RAB10: variants seen among roughly 807,000 people sequenced by gnomAD.
RAB10 encodes the protein ras-related protein Rab-10.
In RAB10, 5 loss-of-function variants were observed where a neutral mutation model predicts 25.7. The observed-to-expected ratio is 0.19, with a 90% CI of 0.10 to 0.41. The LOEUF (loss-of-function observed/expected upper bound fraction) is 0.41, where lower values mean the gene tolerates loss of function less well. Among genes scored for constraint, RAB10 ranks in the 10% least tolerant of loss-of-function variants. The pLI, the probability that RAB10 is intolerant of heterozygous loss-of-function variation, is 1.00. For synonymous variants in RAB10, 89 were observed against 86.4 expected, an observed-to-expected ratio of 1.03 and a Z score of -0.16; for missense variants, 103 against 245.8, an observed-to-expected ratio of 0.42 and a Z score of 3.89.
intron 2 of RAB10, among the ~76,000 whole-genome samples, chr2:26,107,821 A>G (rs568552371): frequency 6.6e-6 from 1 of 152,082 alleles, no homozygotes; most frequent in South Asian, 2.1e-4. Flanking sequence ...AAAAACAAAA[A>G]ACTAACAATC....
At position 26,063,430 on chromosome 2, in the gene RAB10, A is replaced by ATT. The variant is rs5829995; in HGVS notation, c.127+28704_127+28705dup. Among the ~76,000 whole-genome samples, 198 of 150,614 alleles carry ATT rather than the reference A, an allele frequency of 1.3e-3. 2 individuals carry two copies. In the South Asian group the frequency reaches 0.013, roughly 10 times the overall value. On this transcript the variant is annotated intron_variant, in intron 1 of 5. Transcript: ENST00000264710. ...TTTGCTCACTCACATTCTTTATGTG[A>ATT]TTTTTTTTTTGCTAGACCATTTGAA...
In RAB10 at chr2:26,127,242, C is replaced by G; in HGVS notation, c.417+9C>G. ...AAGGAAAAGGAGAACAGGTAAAAAT[C>G]TGAATTAAACTGATACTCTGCTCTG... On this transcript the variant is annotated intron_variant, in intron 4 of 5. Transcript: ENST00000264710. The G allele has an allele frequency of 1.3e-6, 2 of 1,530,308 alleles. No individual in the cohort carries two copies. The highest frequency in any genetic ancestry group is 8.9e-7 in the Non-Finnish European group (1 of 1,118,706). The allele number at this position is 1,530,308 out of a possible 1,614,324, so 94.8% of individuals were successfully genotyped here.
At chr2:26,105,706 T>C (rs1667452924) in intron 2 of RAB10, among the ~76,000 whole-genome samples, 1 of 152,190 alleles carries the variant, frequency 6.6e-6, no homozygotes, top group South Asian at 2.1e-4. Context: ...GTGATTAAGA[T>C]GCAGTCATAC....
At chr2:26,067,351 G>GA (rs759901158) in intron 1 of RAB10, among the ~76,000 whole-genome samples, 4 of 152,198 alleles carry the variant, frequency 2.6e-5, no homozygotes, top group Non-Finnish European at 4.4e-5. Flanking sequence ...GTGTAACAAT[G>GA]AAAAGGTCAT....
intron 1 of RAB10, among the ~76,000 whole-genome samples, chr2:26,057,971 C>G (rs1215679173): frequency 6.6e-6 from 1 of 152,042 alleles, no homozygotes. Flanking sequence ...TAGATAGGGG[C>G]TGATAACCCC....
rs530342017 is a variant in RAB10 at position 26,066,838 on chromosome 2, G to A, written c.128-31824G>A. Among the ~76,000 whole-genome samples the A allele has an allele frequency of 4.3e-4, 64 of 148,188 alleles. 2 individuals carry two copies. In the South Asian group the frequency reaches 0.012, roughly 28 times the overall value. ...CACTCTGTCACCCAGGCTGAAGTGC[G>A]GTGGCACAATCTCGGCTCACTGCAG... On this transcript the variant is annotated intron_variant, in intron 1 of 5. Transcript: ENST00000264710.
At chr2:26,127,062 T>C (rs1350035879) in intron 3 of RAB10, 82 bp from the exon 4 acceptor site, 3 of 1,048,516 alleles carry the variant, frequency 2.9e-6, no homozygotes, top group Non-Finnish European at 4.2e-6. Flanking sequence ...ACCCTCTAAA[T>C]TGAGAGAATA....
intron 1 of RAB10, among the ~76,000 whole-genome samples, chr2:26,090,811 A>G (rs945264843): frequency 2.6e-5 from 4 of 152,010 alleles, no homozygotes; most frequent in African/African-American, 7.2e-5. Flanking sequence ...GCACAGGCCT[A>G]TAGTCCCAGC....
chr2:26,105,053 T>C (rs992374523), intron 2 of RAB10, among the ~76,000 whole-genome samples: 2 of 152,148 alleles, frequency 1.3e-5, no homozygotes, highest in African/African-American at 4.8e-5. Flanking sequence ...AGGTAATTTT[T>C]ATATATGGTA....
At chr2:26,094,923 T>G (rs1667180071) in intron 1 of RAB10, among the ~76,000 whole-genome samples, 1 of 152,224 alleles carries the variant, frequency 6.6e-6, no homozygotes, top group African/African-American at 2.4e-5. Flanking sequence ...TTCGGTTGTC[T>G]TTGTTAACTT....
Position 26,127,946 on chromosome 2 carries a change from C to G in RAB10, c.514C>G (p.Arg172Gly). ...AFLTLAEDIL[R>G]KTPVKEPNSE... ...CCTCACGTTAGCTGAAGATATCCTT[C>G]GAAAGGTAAGTTCCTGTTTTTATAT... Residue 172 changes from arginine (R) to glycine (G), a missense_variant, in exon 5 of 6, where the codon CGA (arginine) becomes GGA (glycine). Physicochemically the swap from Arg to Gly is moderately radical, Grantham distance 125. Around this residue, in one of 2 missense-constraint regions of RAB10, gnomAD observed 79 missense variants for 217.8 expected, o/e 0.36. Transcript: ENST00000264710. 1 of 1,592,046 alleles carries G rather than the reference C, an allele frequency of 6.3e-7. No individual in the cohort carries two copies. The highest frequency in any genetic ancestry group is 8.6e-7 in the Non-Finnish European group (1 of 1,159,936).
At chr2:26,053,934 G>A (rs1387938300) in intron 1 of RAB10, among the ~76,000 whole-genome samples, 2 of 149,656 alleles carry the variant, frequency 1.3e-5, no homozygotes, top group Non-Finnish European at 1.5e-5. Context: ...TGGCCAGGCT[G>A]GTCTAGATCC....
intron 1 of RAB10, among the ~76,000 whole-genome samples, chr2:26,060,515 C>T (rs1019530170): frequency 6.6e-6 from 1 of 152,144 alleles, no homozygotes; most frequent in East Asian, 1.9e-4. Context: ...GTCTCGATCT[C>T]CTGACCTCGT....
At chr2:26,063,954 T>C (rs1666462196) in intron 1 of RAB10, among the ~76,000 whole-genome samples, 1 of 152,090 alleles carries the variant, frequency 6.6e-6, no homozygotes, top group Non-Finnish European at 1.5e-5. Flanking sequence ...TGTGCCATTA[T>C]GCCTAGCTAA....
chr2:26,098,421 G>T, intron 1 of RAB10: 1 of 432,818 alleles, frequency 2.3e-6, no homozygotes, highest in Non-Finnish European at 4.1e-6. Context: ...TTAGAGGCGT[G>T]AGCCACCATG....
chr2:26,035,807 T>G (rs1361725484), intron 1 of RAB10, among the ~76,000 whole-genome samples: 1 of 152,242 alleles, frequency 6.6e-6, no homozygotes, highest in Admixed American at 6.5e-5. Flanking sequence ...AAAATTAAGC[T>G]GATTTGAAAC....
intron 1 of RAB10, among the ~76,000 whole-genome samples, chr2:26,068,824 T>G (rs1399380365): frequency 6.6e-6 from 1 of 152,238 alleles, no homozygotes; most frequent in Non-Finnish European, 1.5e-5. Flanking sequence ...TAAGCAAATT[T>G]AGTGATGACA....
chr2:26,100,785 C>T (rs186413003), intron 2 of RAB10, among the ~76,000 whole-genome samples: 1 of 151,798 alleles, frequency 6.6e-6, no homozygotes, highest in Non-Finnish European at 1.5e-5. Flanking sequence ...CAGAGATAAA[C>T]AATTTGTCTA....
At chr2:26,054,774 ATC>A (rs1666216609) in intron 1 of RAB10, among the ~76,000 whole-genome samples, 1 of 152,180 alleles carries the variant, frequency 6.6e-6, no homozygotes, top group South Asian at 2.1e-4. Flanking sequence ...TTGTTTTTAT[ATC>A]TCTCAAGAGA....
Sources: allele counts gnomAD v4.1 joint callset (sites outside exome capture counted in the v4.1 genomes callset), GRCh38; gene constraint gnomAD v4.1.1; regional missense constraint gnomAD v4.1.1; transcripts MANE v1.5; gene names NCBI Gene and HGNC (gene_info 2026-07-23, HGNC 2026-07-21).